Variants in NUDC observed in about 807,000 individuals in gnomAD.
NUDC encodes the protein nuclear distribution C, dynein complex regulator.
A neutral mutation model predicts 45.0 loss-of-function variants in NUDC; 14 were observed. The ratio of observed to expected loss-of-function variants is 0.31; its 90% CI spans 0.21 to 0.49. NUDC has a LOEUF of 0.49. Ranked by LOEUF, NUDC falls within the 20% of genes least tolerant of loss-of-function variation. NUDC has a pLI of 0.99. For missense variants in NUDC, 323 were observed against 426.2 expected (o/e 0.76, Z 2.13); for synonymous variants, 153 against 156.7 (o/e 0.98, Z 0.17).
intron 2 of NUDC, among the ~76,000 whole-genome samples, chr1:26,932,128 C>T (rs751839563): frequency 2.0e-5 from 3 of 151,668 alleles, no homozygotes; most frequent in Non-Finnish European, 2.9e-5. Context: ...CCCACTTTAA[C>T]CCCTTAAGTA....
At chr1:26,901,652 G>A (rs1243557998) in intron 1 of NUDC, among the ~76,000 whole-genome samples, 7 of 152,076 alleles carry the variant, frequency 4.6e-5, no homozygotes, top group Non-Finnish European at 8.8e-5. Context: ...TGATCCACCC[G>A]CCTTGGCCTC....
chr1:26,916,758 C>T (rs1325374352), upstream of NUDC, among the ~76,000 whole-genome samples: 1 of 152,038 alleles, frequency 6.6e-6, no homozygotes, highest in Admixed American at 6.6e-5. Flanking sequence ...GAGCTCAAGA[C>T]CAGCTTGGAA....
At chr1:26,901,634 A>T (rs983925045) in intron 1 of NUDC, among the ~76,000 whole-genome samples, 1 of 151,296 alleles carries the variant, frequency 6.6e-6, no homozygotes, top group African/African-American at 2.4e-5. Context: ...CGAACTCCTG[A>T]CCTCAGGTGA....
chr1:26,903,466 T>A (rs1009025134), intron 2 of NUDC, among the ~76,000 whole-genome samples: 1 of 152,220 alleles, frequency 6.6e-6, no homozygotes, highest in African/African-American at 2.4e-5. Flanking sequence ...TTATTTTGTT[T>A]TACTCAATGT....
intron 1 of NUDC, chr1:26,900,495 CA>C (rs2081972940): frequency 6.8e-7 from 1 of 1,469,098 alleles, no homozygotes; most frequent in Non-Finnish European, 9.4e-7. Context: ...ACACCGCGAG[CA>C]ACGTTCCAGC....
intron 8 of NUDC, 150 bp from the exon 9 acceptor site, chr1:26,945,980 G>T: frequency 1.3e-6 from 1 of 791,120 alleles, no homozygotes; most frequent in South Asian, 1.4e-5. Flanking sequence ...GGACTCAAAT[G>T]CGTCTCAGAT....
At chr1:26,942,559 G>A in intron 4 of NUDC, 101 bp from the exon 5 acceptor site, 3 of 1,558,022 alleles carry the variant, frequency 1.9e-6, no homozygotes, top group Non-Finnish European at 2.6e-6. Context: ...GTTTTCTTTT[G>A]TGGCTGTATG....
chr1:26,913,686 C>T (rs2082043331), intron 3 of NUDC: 2 of 1,612,880 alleles, frequency 1.2e-6, no homozygotes, highest in African/African-American at 2.7e-5. Flanking sequence ...GCAGCAGCCG[C>T]CGCTGGTCCT....
At chr1:26,938,777 C>A (rs899317518) in intron 2 of NUDC, among the ~76,000 whole-genome samples, 2 of 152,172 alleles carry the variant, frequency 1.3e-5, no homozygotes, top group Non-Finnish European at 2.9e-5. Context: ...GGTTTATTGA[C>A]CACTGATCAC....
At chr1:26,941,130 G>A (rs2082273138) in intron 2 of NUDC, among the ~76,000 whole-genome samples, 2 of 146,444 alleles carry the variant, frequency 1.4e-5, no homozygotes, top group African/African-American at 5.1e-5. Context: ...GTAGAGACAG[G>A]GTTTCACCAT....
Position 26,941,780 on chromosome 1 carries a change from C to G in NUDC, c.391C>G (p.Gln131Glu). ...AAAGGATGCAGAGAATCATGAGGCCCAGCTCAAGAACGGCAGCCTTGACTC... is the reference window on the plus strand; with the variant it reads ...AAAGGATGCAGAGAATCATGAGGCCGAGCTCAAGAACGGCAGCCTTGACTC... ...QKKDAENHEA[Q>E]LKNGSLDSPG... Residue 131 changes from glutamine to glutamate, a missense_variant, in exon 4 of 9, where the codon CAG (glutamine) becomes GAG (glutamate). This residue lies in a region of NUDC where 245 missense variants were observed against 278.8 expected (regional missense o/e 0.88). Coordinates refer to ENST00000321265, the MANE Select transcript of NUDC (RefSeq NM_006600.4). 1 of 1,613,882 alleles carries G rather than the reference C, an allele frequency of 6.2e-7. No homozygotes were observed. Among genetic ancestry groups the G allele is most frequent in the Middle Eastern group, 1.7e-4 (1 of 5,824 alleles).
At chr1:26,934,848 G>A (rs562280411) in intron 2 of NUDC, among the ~76,000 whole-genome samples, 4 of 151,952 alleles carry the variant, frequency 2.6e-5, no homozygotes, top group Non-Finnish European at 5.9e-5. Flanking sequence ...TAGTAAAGAC[G>A]GGGTTTCACC....
rs888314523 is a variant in NUDC at position 26,938,162 on chromosome 1, C to T, written c.160-3295C>T. ...CAGTGACCGAAGCTTGAGTCGGTGA[C>T]AGCCTCTGGGTAAGCTTCCACAACC... On this transcript the variant is annotated intron_variant, in intron 2 of 8. Coordinates refer to ENST00000321265, the MANE Select transcript of NUDC (RefSeq NM_006600.4). Among the ~76,000 whole-genome samples the T allele has an allele frequency of 2.0e-5, 3 of 152,140 alleles. No individual in the cohort carries two copies. The South Asian group carries it at 6.2e-4, about 32-fold the overall frequency.
chr1:26,919,391 G>T (rs188441044), upstream of NUDC, among the ~76,000 whole-genome samples: 1 of 152,320 alleles, frequency 6.6e-6, no homozygotes, highest in Admixed American at 6.5e-5. Context: ...GTTTTGTAGA[G>T]ACAGGGTTTT....
intron 1 of NUDC, among the ~76,000 whole-genome samples, chr1:26,923,449 T>C (rs1335084511): frequency 6.6e-6 from 1 of 152,208 alleles, no homozygotes; most frequent in Non-Finnish European, 1.5e-5. Flanking sequence ...GCTCTCCTCC[T>C]TCTTGCTTTG....
At chr1:26,944,556 C>T (rs564455689) in intron 6 of NUDC, among the ~76,000 whole-genome samples, 2 of 152,148 alleles carry the variant, frequency 1.3e-5, no homozygotes, top group East Asian at 1.9e-4. Flanking sequence ...GTAATCCTAG[C>T]GCTTTGGGAG....
At chr1:26,931,152 A>G (rs553780221) in intron 2 of NUDC, among the ~76,000 whole-genome samples, 9 of 151,610 alleles carry the variant, frequency 5.9e-5, no homozygotes, top group African/African-American at 1.9e-4. Context: ...ATCTTGGCTC[A>G]CTGCAACCTC....
chr1:26,911,606 G>A (rs868824769), intron 3 of NUDC: 2 of 554,138 alleles, frequency 3.6e-6, no homozygotes, highest in Non-Finnish European at 6.5e-6. Flanking sequence ...GAAGGGACAG[G>A]AGTCTTGGCC....
chr1:26,915,984 T>C (rs2124078585), intron 3 of NUDC, among the ~76,000 whole-genome samples: 2 of 152,320 alleles, frequency 1.3e-5, no homozygotes, highest in Middle Eastern at 6.8e-3. Context: ...AATCACTTTC[T>C]CTTTCTGTGC....
Sources: gnomAD v4.1 joint callset for allele counts (sites outside exome capture counted in the v4.1 genomes callset) on GRCh38, gnomAD v4.1.1 for gene constraint, gnomAD v4.1.1 regional missense constraint, MANE v1.5 for transcripts, NCBI Gene and HGNC (gene_info 2026-07-23, HGNC 2026-07-21) for gene names.